The following LEKR1 variants were observed in gnomAD, a reference collection of about 807,000 sequenced individuals.
LEKR1 encodes leucine, glutamate and lysine rich 1.
In LEKR1, 59 loss-of-function variants were observed where a neutral mutation model predicts 72.4. The observed-to-expected ratio is 0.82, with a 90% CI of 0.66 to 1.01. The LOEUF (loss-of-function observed/expected upper bound fraction) is 1.01. Ranked by LOEUF, LEKR1 falls within the 50% of genes least tolerant of loss-of-function variation. LEKR1 has a pLI of 0.00. For missense variants in LEKR1, 728 were observed against 759.2 expected (o/e 0.96, Z 0.48); for synonymous variants, 257 against 263.2 (o/e 0.98, Z 0.23).
chr3:156,920,490 T>C, intron 3 of LEKR1, 85 bp from the exon 4 acceptor site: 1 of 819,866 alleles, frequency 1.2e-6, no homozygotes, highest in South Asian at 1.8e-5. Flanking sequence ...CTACTCCTTT[T>C]TATTAAAAGT....
At chr3:156,883,165 C>T (rs9851913) in intron 3 of LEKR1, among the ~76,000 whole-genome samples, 1 of 137,326 alleles carries the variant, frequency 7.3e-6, no homozygotes, top group East Asian at 2.0e-4. Flanking sequence ...TAATAAAGAA[C>T]GAAAGAAAGA....
Position 156,989,738 on chromosome 3 carries a change from A to C in LEKR1, c.828-2915A>C, listed in dbSNP as rs545303154. Reference sequence around the variant, plus strand: ...AGATAGTCTTTACCCATTTTCACCTAGTGTTAACATTTTAACTCATTTGCT... The same window carrying C: ...AGATAGTCTTTACCCATTTTCACCTCGTGTTAACATTTTAACTCATTTGCT... On this transcript the variant is annotated intron_variant, in intron 7 of 12. Coordinates refer to ENST00000356539, the MANE Select transcript of LEKR1 (RefSeq NM_001004316.3). Among the ~76,000 whole-genome samples the C allele has an allele frequency of 2.6e-5, 4 of 152,168 alleles. No homozygotes were observed. The East Asian group carries it at 7.7e-4, about 29-fold the overall frequency.
chr3:156,867,384 T>C lies in LEKR1; in HGVS notation c.263+14402T>C, dbSNP rs1210704227. Among the ~76,000 whole-genome samples the C allele has an allele frequency of 2.6e-5, 4 of 152,056 alleles. No homozygotes were observed. The South Asian group carries it at 6.2e-4, about 24-fold the overall frequency. Reference sequence around the variant, plus strand: ...TAAGAAAATAACTCATTTCTATATGTCAAAAAAGTCTACAATTTTGATATA... The same window carrying C: ...TAAGAAAATAACTCATTTCTATATGCCAAAAAAGTCTACAATTTTGATATA... On this transcript the variant is annotated intron_variant, in intron 3 of 12. Transcript: ENST00000356539.
chr3:156,867,505 T>G (rs576842957), intron 3 of LEKR1, among the ~76,000 whole-genome samples: 2 of 152,010 alleles, frequency 1.3e-5, no homozygotes, highest in African/African-American at 2.4e-5. Context: ...TTTGTACATG[T>G]TTTTCCCCCT....
chr3:156,988,620 G>GT (rs1035214680), intron 7 of LEKR1: 1 of 228,626 alleles, frequency 4.4e-6, no homozygotes, highest in Non-Finnish European at 9.8e-6. Context: ...TTCCTTCCTG[G>GT]TAAAGGTACT....
At chr3:156,931,467 C>T (rs953961898) in intron 5 of LEKR1, among the ~76,000 whole-genome samples, 7 of 152,014 alleles carry the variant, frequency 4.6e-5, no homozygotes, top group Non-Finnish European at 1.0e-4. Flanking sequence ...TACATCTATC[C>T]GAAGTCCCTG....
intron 3 of LEKR1, among the ~76,000 whole-genome samples, chr3:156,855,361 G>A (rs1010557731): frequency 6.6e-6 from 1 of 151,924 alleles, no homozygotes; most frequent in Non-Finnish European, 1.5e-5. Context: ...TTACCTCGTG[G>A]TTATTTAATT....
chr3:157,031,937 G>T (rs965111175), intron 12 of LEKR1, among the ~76,000 whole-genome samples: 5 of 152,036 alleles, frequency 3.3e-5, no homozygotes, highest in African/African-American at 4.8e-5. Flanking sequence ...AACAGCAAGG[G>T]TCGCAAAGCA....
intron 6 of LEKR1, among the ~76,000 whole-genome samples, chr3:156,972,754 C>T (rs963790577): frequency 1.3e-5 from 2 of 149,774 alleles, no homozygotes; most frequent in African/African-American, 4.9e-5. Flanking sequence ...ATAATTTAAA[C>T]AGTGAGTAAA....
intron 7 of LEKR1, among the ~76,000 whole-genome samples, chr3:156,985,480 G>C (rs891423440): frequency 5.9e-5 from 9 of 152,156 alleles, no homozygotes; most frequent in African/African-American, 1.9e-4. Flanking sequence ...AGAGTTTCAT[G>C]TCCTAATCCC....
intron 7 of LEKR1, among the ~76,000 whole-genome samples, chr3:156,984,232 G>A (rs1730482469): frequency 1.3e-5 from 2 of 152,064 alleles, no homozygotes; most frequent in South Asian, 2.1e-4. Flanking sequence ...TGAAAGTGTG[G>A]GCTGTGTGGA....
intron 10 of LEKR1, among the ~76,000 whole-genome samples, chr3:157,012,837 A>G (rs140230429): frequency 2.3e-3 from 350 of 152,030 alleles, no homozygotes; most frequent in African/African-American, 7.8e-3. Flanking sequence ...TCTCATTTTT[A>G]TTAGCCTCAG....
intron 4 of LEKR1, chr3:156,924,402 C>A: frequency 1.8e-6 from 1 of 542,126 alleles, no homozygotes; most frequent in Non-Finnish European, 3.3e-6. Context: ...CAAATATTTT[C>A]TCCCAGTGGC....
chr3:156,969,787 C>T (rs1420001652), intron 6 of LEKR1, among the ~76,000 whole-genome samples: 2 of 152,182 alleles, frequency 1.3e-5, no homozygotes, highest in Non-Finnish European at 2.9e-5. Flanking sequence ...CCAGCATCAT[C>T]CTGATACCAA....
rs549757024 is a variant in LEKR1, at chr3:156,909,199, C to T, written c.264-11376C>T. Among the ~76,000 whole-genome samples, 11 of 152,228 alleles carry T rather than the reference C, an allele frequency of 7.2e-5. No homozygotes were observed. The South Asian group carries it at 2.1e-3, about 29-fold the overall frequency. ...GTGGATCTGTGAGTCAATTAAACCT[C>T]TTTCTTTTGTAAATTACCCAGTCTT... On this transcript the variant is annotated intron_variant, in intron 3 of 12. Coordinates refer to ENST00000356539, the MANE Select transcript of LEKR1 (RefSeq NM_001004316.3).
At chr3:156,864,526 G>T (rs1404559314) in intron 3 of LEKR1, among the ~76,000 whole-genome samples, 1 of 151,808 alleles carries the variant, frequency 6.6e-6, no homozygotes, top group East Asian at 1.9e-4. Flanking sequence ...TACTTTCTTA[G>T]CTCCCCCTTT....
chr3:156,863,729 C>T (rs977751317), intron 3 of LEKR1, among the ~76,000 whole-genome samples: 1 of 152,036 alleles, frequency 6.6e-6, no homozygotes, highest in Non-Finnish European at 1.5e-5. Context: ...TTATCTTTCT[C>T]TTTTATATGA....
rs1177564754 is a variant in LEKR1, at chr3:157,045,823, T to C, written c.*73T>C. The stretch of plus-strand genomic sequence containing the variant: ...GAGAGTGCCAGGAATTCACTGTAAC[T>C]GAGAATGACAATGATAAAATTATTT... On this transcript the variant is annotated 3_prime_UTR_variant, in exon 13 of 13. Transcript: ENST00000356539. 8.7e-6 allele frequency: 11 copies of C among 1,263,768 alleles called. No individual in the cohort carries two copies. Among genetic ancestry groups the C allele is most frequent in the Non-Finnish European group, 1.2e-5 (11 of 902,792 alleles). The allele number at this position is 1,263,768 out of a possible 1,614,324, so 78.3% of individuals were successfully genotyped here.
intron 3 of LEKR1, among the ~76,000 whole-genome samples, chr3:156,867,838 A>G (rs1717489856): frequency 6.6e-6 from 1 of 152,072 alleles, no homozygotes; most frequent in Admixed American, 6.6e-5. Context: ...GTGTTAAATA[A>G]TATGCTGAGT....
Sources: allele counts gnomAD v4.1 joint callset (sites outside exome capture counted in the v4.1 genomes callset), GRCh38; gene constraint gnomAD v4.1.1; transcripts MANE v1.5; gene names NCBI Gene and HGNC (gene_info 2026-07-23, HGNC 2026-07-21).